The following BRIP1 variants were observed in gnomAD, a reference collection of about 807,000 sequenced individuals.
The protein encoded by BRIP1 is BRCA1 interacting DNA helicase 1, also known as Fanconi anemia group J protein.
In BRIP1, 88 loss-of-function variants were observed where a neutral mutation model predicts 119.7. The ratio of observed to expected loss-of-function variants is 0.74; its 90% CI spans 0.62 to 0.88. The LOEUF is 0.88. Ranked by LOEUF, BRIP1 falls within the 40% of genes least tolerant of loss-of-function variation. BRIP1 has a pLI of 0.00. For missense variants in BRIP1, 1,259 were observed against 1,455.4 expected (o/e 0.87, Z 2.20); for synonymous variants, 443 against 496.5 (o/e 0.89, Z 1.43).
rs1488244216 is a variant in BRIP1, at chr17:61,804,990, G to A, written c.918+3477C>T. 6.9e-6 allele frequency among the ~76,000 whole-genome samples: 1 copy of A among 144,816 alleles called. No individual in the cohort carries two copies. Among genetic ancestry groups the A allele is most frequent in the East Asian group, 2.1e-4 (1 of 4,830 alleles). ...TGTGTGTGTGTGTGTGTGTGTGTGTGTGTGTGTGTGTAAAATTAAATTGTA... is the reference window on the plus strand; with the variant it reads ...TGTGTGTGTGTGTGTGTGTGTGTGTATGTGTGTGTGTAAAATTAAATTGTA... On this transcript the variant is annotated intron_variant, in intron 7 of 19. Transcript: ENST00000259008. This position sits in a 1 kb window ranked among gnomAD's most constrained non-coding sequence, Gnocchi z 4.5.
In BRIP1 at chr17:61,827,267, T is replaced by C. The variant is rs1346217989; in HGVS notation, c.628-18510A>G. On this transcript the variant is annotated intron_variant, in intron 6 of 19. Transcript: ENST00000259008. This position sits in a 1 kb window ranked among gnomAD's most constrained non-coding sequence, Gnocchi z 5.8. The stretch of plus-strand genomic sequence containing the variant: ...GGGGAAAAACACACAATGGGGCCTA[T>C]CAGAGGGTAGAGGGTGGGAGCAGGG... 1.3e-5 allele frequency among the ~76,000 whole-genome samples: 2 copies of C among 152,090 alleles called. No individual in the cohort carries two copies. The highest frequency in any genetic ancestry group is 2.9e-5 in the Non-Finnish European group (2 of 68,016).
chr17:61,834,096 T>C lies in BRIP1; in HGVS notation c.627+13005A>G, dbSNP rs1000766360. 6.6e-6 allele frequency among the ~76,000 whole-genome samples: 1 copy of C among 152,156 alleles called. No individual in the cohort carries two copies. Among genetic ancestry groups the C allele is most frequent in the Admixed American group, 6.5e-5 (1 of 15,284 alleles). On this transcript the variant is annotated intron_variant, in intron 6 of 19. Transcript: ENST00000259008. The surrounding 1 kb of genome is among the most constrained non-coding windows in gnomAD (Gnocchi z 4.4). ...CAGGCTGTATTCTGCCCATGGGTCA[T>C]AGTTTGCCAACCACTGGCATAGGAA...
rs894994470 is a variant in BRIP1, at chr17:61,739,673, C to T, written c.2379+3340G>A. Among the ~76,000 whole-genome samples, 1 of 152,156 alleles carries T rather than the reference C, an allele frequency of 6.6e-6. No individual in the cohort carries two copies. The highest frequency in any genetic ancestry group is 1.5e-5 in the Non-Finnish European group (1 of 68,024). On this transcript the variant is annotated intron_variant, in intron 16 of 19. Transcript: ENST00000259008. This position sits in a 1 kb window ranked among gnomAD's most constrained non-coding sequence, Gnocchi z 6.0. ...ATTAACAATTAAAAAGATAACTATT[C>T]TAATGAAAGAACTCCTGCTTTGGTA...
rs2144380329 is a variant in BRIP1, at chr17:61,715,984, T to C, written c.2459A>G (p.Gln820Arg). 2 of 1,608,552 alleles carry C rather than the reference T, an allele frequency of 1.2e-6. No individual in the cohort carries two copies. The highest frequency in any genetic ancestry group is 1.3e-5 in the African/African-American group (1 of 74,968). The change falls in exon 17 of 20, where the codon CAA becomes CGA. Residue 820 changes from glutamine (Q) to arginine (R), a missense_variant. By Grantham distance (43) the Gln-to-Arg change is conservative. Coordinates refer to ENST00000259008, the MANE Select transcript of BRIP1 (RefSeq NM_032043.3). ...LLPGRQWYEI[Q>R]AYRALNQALG... ...GGCCTGGTTTAAGGCCCTGTATGCT[T>C]GAATTTCATACCACTGACGGCCAGG...
At chr17:61,782,979 G>C (rs1338228223) in intron 11 of BRIP1, among the ~76,000 whole-genome samples, 2 of 152,218 alleles carry the variant, frequency 1.3e-5, no homozygotes, top group Non-Finnish European at 1.5e-5. Flanking sequence ...GTGAGAAACA[G>C]TATGGTGAGT....
chr17:61,741,381 C>T (rs1473249130), intron 16 of BRIP1, among the ~76,000 whole-genome samples: 1 of 152,224 alleles, frequency 6.6e-6, no homozygotes, highest in African/African-American at 2.4e-5. Flanking sequence ...TTCTGACCTC[C>T]TCCCATGAAT....
Position 61,857,111 on chromosome 17 carries a change from T to C in BRIP1, c.326A>G (p.Asn109Ser), listed in dbSNP as rs587782734. 11 of 1,614,148 alleles carry C rather than the reference T, an allele frequency of 6.8e-6. No individual in the cohort carries two copies. Among genetic ancestry groups the C allele is most frequent in the Middle Eastern group, 1.7e-4 (1 of 6,060 alleles). ...TTCAGAAGGTGGTGTGCTTGGATAG[T>C]TGAAATGACGTGAAGTTCCTTGGTT... is the stretch of plus-strand genomic sequence containing the variant. Reference protein sequence around the residue: ...DMNQGTSRHFNYPSTPPSERN... With the variant: ...DMNQGTSRHFSYPSTPPSERN... Residue 109 changes from asparagine to serine, a missense_variant, in exon 4 of 20, where the codon AAC becomes AGC. Asn to Ser is a conservative substitution (Grantham distance 46). This residue lies in a region of BRIP1 where 501 missense variants were observed against 544.0 expected (regional missense o/e 0.92). Transcript: ENST00000259008. This position sits in a 1 kb window ranked among gnomAD's most constrained non-coding sequence, Gnocchi z 5.1.
rs1322039330 is a variant in BRIP1, at chr17:61,756,189, G to A, written c.2098-11598C>T. On this transcript the variant is annotated intron_variant, in intron 14 of 19. Transcript: ENST00000259008. This position sits in a 1 kb window ranked among gnomAD's most constrained non-coding sequence, Gnocchi z 4.3. ...CAGCTTTTATATTCTCATTGCAGGTGACACTTGAATTACACATTTAGACAG... is the reference window on the plus strand; with the variant it reads ...CAGCTTTTATATTCTCATTGCAGGTAACACTTGAATTACACATTTAGACAG... Among the ~76,000 whole-genome samples, 1 of 152,158 alleles carries A rather than the reference G, an allele frequency of 6.6e-6. No homozygotes were observed. The highest frequency in any genetic ancestry group is 1.5e-5 in the Non-Finnish European group (1 of 68,020).
rs774939280 is a variant in BRIP1, at chr17:61,715,965, G to A, written c.2478C>T (p.Asn826=). ...ACTCCACTTACCTACCAAGGGCCTG[G>A]TTTAAGGCCCTGTATGCTTGAATTT... ...WYEIQAYRAL[N]QALGRCIRHR... Residue 826 remains asparagine (N), a synonymous_variant, in exon 17 of 20, where the codon AAC becomes AAT. Coordinates refer to ENST00000259008, the MANE Select transcript of BRIP1 (RefSeq NM_032043.3). 2 of 1,599,690 alleles carry A rather than the reference G, an allele frequency of 1.3e-6. No homozygotes were observed. The highest frequency in any genetic ancestry group is 1.1e-5 in the South Asian group (1 of 90,034).
chr17:61,825,156 G>A lies in BRIP1; in HGVS notation c.628-16399C>T, dbSNP rs11079457. On this transcript the variant is annotated intron_variant, in intron 6 of 19. Transcript: ENST00000259008. This position sits in a 1 kb window ranked among gnomAD's most constrained non-coding sequence, Gnocchi z 4.1. ...AAAAATTAGCTGGGCAAGGTGGCGGGCACCTGTAGTCTCAGCTACTAGGGA... is the reference window on the plus strand; with the variant it reads ...AAAAATTAGCTGGGCAAGGTGGCGGACACCTGTAGTCTCAGCTACTAGGGA... Among the ~76,000 whole-genome samples, 7,654 of 151,946 alleles carry A rather than the reference G, an allele frequency of 0.05. 881 individuals carry two copies. In the East Asian group the frequency reaches 0.53, roughly 11 times the overall value.
In BRIP1 at chr17:61,724,881, C is replaced by T. The variant is rs566763730; in HGVS notation, c.2380-8818G>A. Among the ~76,000 whole-genome samples the T allele has an allele frequency of 2.6e-5, 4 of 152,276 alleles. No homozygotes were observed. Among genetic ancestry groups the T allele is most frequent in the South Asian group, 4.1e-4 (2 of 4,820 alleles). On this transcript the variant is annotated intron_variant, in intron 16 of 19. Coordinates refer to ENST00000259008, the MANE Select transcript of BRIP1 (RefSeq NM_032043.3). This position sits in a 1 kb window ranked among gnomAD's most constrained non-coding sequence, Gnocchi z 5.1. ...TTAGCCAAGGTGCAGGGCCTAAAGC[C>T]TAAACATTTACAGCAAACCAAATCT...
rs1168583110 is a variant in BRIP1, at chr17:61,848,845, A to G, written c.507+284T>C. 6.6e-6 allele frequency among the ~76,000 whole-genome samples: 1 copy of G among 152,226 alleles called. No individual in the cohort carries two copies. The highest frequency in any genetic ancestry group is 2.4e-5 in the African/African-American group (1 of 41,464). Reference sequence around the variant, plus strand: ...ATGGAGGAGTTAAAAAGTACAAAGTAGTATATCACTAAGATATGCCTTAAG... The same window carrying G: ...ATGGAGGAGTTAAAAAGTACAAAGTGGTATATCACTAAGATATGCCTTAAG... On this transcript the variant is annotated intron_variant, in intron 5 of 19. Coordinates refer to ENST00000259008, the MANE Select transcript of BRIP1 (RefSeq NM_032043.3). The surrounding 1 kb of genome is among the most constrained non-coding windows in gnomAD (Gnocchi z 4.3).
In BRIP1 at chr17:61,781,719, G is replaced by A. The variant is rs192398148; in HGVS notation, c.1629-714C>T. Among the ~76,000 whole-genome samples, 156 of 151,870 alleles carry A rather than the reference G, an allele frequency of 1.0e-3. 2 individuals carry two copies. In the East Asian group the frequency reaches 0.023, roughly 22 times the overall value. On this transcript the variant is annotated intron_variant, in intron 11 of 19. Transcript: ENST00000259008. ...AGGTGGATCACGAGGTCAGGAGTTC[G>A]AGACCAGCCTGGCCAACATGGTGAA...
chr17:61,810,041 C>A lies in BRIP1; in HGVS notation c.628-1284G>T, dbSNP rs2078138219. Among the ~76,000 whole-genome samples the A allele has an allele frequency of 6.6e-6, 1 of 152,144 alleles. No homozygotes were observed. Among genetic ancestry groups the A allele is most frequent in the African/African-American group, 2.4e-5 (1 of 41,436 alleles). ...GTGACCCTTCTGGAGCTGTCACTCA[C>A]TGGGATAAAAGGTTCACTGATGTGC... On this transcript the variant is annotated intron_variant, in intron 6 of 19. Transcript: ENST00000259008. The surrounding 1 kb of genome is among the most constrained non-coding windows in gnomAD (Gnocchi z 4.7).
rs1178105895 is a variant in BRIP1, at chr17:61,761,535, A to C, written c.2097+14866T>G. 2.6e-5 allele frequency among the ~76,000 whole-genome samples: 4 copies of C among 152,090 alleles called. No individual in the cohort carries two copies. The highest frequency in any genetic ancestry group is 9.6e-5 in the African/African-American group (4 of 41,454). Reference sequence around the variant, plus strand: ...CTAAAGACTACAACAAAAAACTGTTAGAACTAATAAATGAATAAATACAGT... The same window carrying C: ...CTAAAGACTACAACAAAAAACTGTTCGAACTAATAAATGAATAAATACAGT... On this transcript the variant is annotated intron_variant, in intron 14 of 19. Coordinates refer to ENST00000259008, the MANE Select transcript of BRIP1 (RefSeq NM_032043.3). The surrounding 1 kb of genome is among the most constrained non-coding windows in gnomAD (Gnocchi z 6.4).
intron 11 of BRIP1, among the ~76,000 whole-genome samples, chr17:61,781,920 C>CAAA (rs10710869): frequency 7.8e-6 from 1 of 128,794 alleles, no homozygotes; most frequent in Non-Finnish European, 1.7e-5. Context: ...GACTCCATCT[C>CAAA]AAAAAAAAAA....
In BRIP1 at chr17:61,775,151, A is replaced by G. The variant is rs903795629; in HGVS notation, c.2097+1250T>C. Among the ~76,000 whole-genome samples the G allele has an allele frequency of 3.3e-5, 5 of 152,192 alleles. No homozygotes were observed. Among genetic ancestry groups the G allele is most frequent in the Non-Finnish European group, 7.4e-5 (5 of 68,010 alleles). The stretch of plus-strand genomic sequence containing the variant: ...TACAAGTTTTATTGTATGACTTAGT[A>G]TCAAGCTTAATTACTAGTTTTCCTA... On this transcript the variant is annotated intron_variant, in intron 14 of 19. Transcript: ENST00000259008. The surrounding 1 kb of genome is among the most constrained non-coding windows in gnomAD (Gnocchi z 4.4).
rs1342810422 is a variant in BRIP1 at position 61,768,963 on chromosome 17, A to G, written c.2097+7438T>C. Among the ~76,000 whole-genome samples the G allele has an allele frequency of 6.6e-6, 1 of 152,198 alleles. No homozygotes were observed. The highest frequency in any genetic ancestry group is 2.4e-5 in the African/African-American group (1 of 41,446). ...AAGAAGGAAAAAAAAAAGTAGTAGT[A>G]GTAATAAGCTGCCACGTTGTTGAGA... is the stretch of plus-strand genomic sequence containing the variant. On this transcript the variant is annotated intron_variant, in intron 14 of 19. Coordinates refer to ENST00000259008, the MANE Select transcript of BRIP1 (RefSeq NM_032043.3). This position sits in a 1 kb window ranked among gnomAD's most constrained non-coding sequence, Gnocchi z 5.0.
intron 10 of BRIP1, among the ~76,000 whole-genome samples, chr17:61,785,631 C>T (rs2077693710): frequency 6.6e-6 from 1 of 151,902 alleles, no homozygotes; most frequent in Non-Finnish European, 1.5e-5. Context: ...AAAGAACAAA[C>T]AAGAAAGACA....
Sources: allele counts gnomAD v4.1 joint callset (sites outside exome capture counted in the v4.1 genomes callset), GRCh38; gene constraint gnomAD v4.1.1; regional missense constraint gnomAD v4.1.1; non-coding constraint Gnocchi (gnomAD v3.1); transcripts MANE v1.5; gene names NCBI Gene and HGNC (gene_info 2026-07-23, HGNC 2026-07-21).